SMURF2: variants seen among roughly 807,000 people sequenced by gnomAD.
The protein encoded by SMURF2 is SMAD specific E3 ubiquitin protein ligase 2.
SMURF2 carries 48 observed loss-of-function variants against 109.6 expected under a neutral mutation model. The observed-to-expected ratio is 0.44, with a 90% CI of 0.35 to 0.56. The LOEUF (loss-of-function observed/expected upper bound fraction) is 0.56. Ranked by LOEUF, SMURF2 falls within the 20% of genes least tolerant of loss-of-function variation. The pLI is 0.01. For synonymous variants in SMURF2, 288 were observed against 317.1 expected, an observed-to-expected ratio of 0.91 and a Z score of 0.97; for missense variants, 575 against 909.0, an observed-to-expected ratio of 0.63 and a Z score of 4.72.
intron 10 of SMURF2, among the ~76,000 whole-genome samples, chr17:64,565,052 G>T (rs1224913618): frequency 6.6e-6 from 1 of 152,130 alleles, no homozygotes; most frequent in Non-Finnish European, 1.5e-5. Context: ...TCAGTTTATT[G>T]TATGTCAATA....
intron 1 of SMURF2, among the ~76,000 whole-genome samples, chr17:64,613,705 T>TGTGTGA (rs1970078299): frequency 3.7e-5 from 5 of 133,554 alleles, no homozygotes; most frequent in African/African-American, 1.2e-4. Context: ...TGTGTGTGTG[T>TGTGTGA]GTGTGTGTGT....
At chr17:64,649,305 AC>A (rs1970604262) in intron 1 of SMURF2, among the ~76,000 whole-genome samples, 2 of 152,046 alleles carry the variant, frequency 1.3e-5, no homozygotes, top group Non-Finnish European at 2.9e-5. Context: ...ACCCCCATCT[AC>A]TGGCAAGAGG....
intron 10 of SMURF2, among the ~76,000 whole-genome samples, chr17:64,564,961 G>C (rs553220199): frequency 1.3e-5 from 2 of 152,158 alleles, no homozygotes; most frequent in African/African-American, 4.8e-5. Context: ...AACTTTTGGG[G>C]GTGGTGAATA....
intron 2 of SMURF2, among the ~76,000 whole-genome samples, chr17:64,604,073 G>A (rs1217185716): frequency 6.6e-6 from 1 of 152,146 alleles, no homozygotes; most frequent in African/African-American, 2.4e-5. Flanking sequence ...AGGAATTACT[G>A]TCTCTGAAAT....
At chr17:64,648,174 T>C (rs1555693168) in intron 1 of SMURF2, among the ~76,000 whole-genome samples, 2 of 151,410 alleles carry the variant, frequency 1.3e-5, no homozygotes, top group African/African-American at 4.9e-5. Flanking sequence ...TGTTAAATTA[T>C]CTTCCTAACA....
At chr17:64,659,938 G>A (rs1970753231) in intron 1 of SMURF2, among the ~76,000 whole-genome samples, 1 of 152,130 alleles carries the variant, frequency 6.6e-6, no homozygotes. Context: ...ACCTCAAACT[G>A]TTTTTACTAT....
chr17:64,610,297 C>T (rs1186895849), intron 1 of SMURF2, among the ~76,000 whole-genome samples: 1 of 152,174 alleles, frequency 6.6e-6, no homozygotes, highest in African/African-American at 2.4e-5. Flanking sequence ...ACTATAAAGA[C>T]ATATGCACAT....
intron 1 of SMURF2, among the ~76,000 whole-genome samples, chr17:64,645,608 G>A (rs1332417662): frequency 6.6e-6 from 1 of 152,178 alleles, no homozygotes; most frequent in Admixed American, 6.5e-5. Flanking sequence ...GGAAGACAAG[G>A]AAGAGAATAA....
At chr17:64,630,088 T>C (rs1325309668) in intron 1 of SMURF2, among the ~76,000 whole-genome samples, 4 of 151,716 alleles carry the variant, frequency 2.6e-5, no homozygotes, top group Admixed American at 6.6e-5. Flanking sequence ...ATACAAAAAT[T>C]AGCCAGGCAT....
chr17:64,549,771 A>C (rs1969015068), intron 16 of SMURF2, among the ~76,000 whole-genome samples: 3 of 152,144 alleles, frequency 2.0e-5, no homozygotes, highest in Admixed American at 2.0e-4. Context: ...AAATAAAAAA[A>C]AGAAAAAAGA....
At chr17:64,557,570 T>C (rs868931961) in intron 13 of SMURF2, 38 bp downstream of exon 13, 2 of 1,265,842 alleles carry the variant, frequency 1.6e-6, no homozygotes, top group Middle Eastern at 3.7e-4. Context: ...ATGAAAAGCA[T>C]TATTGGTCAC....
Position 64,543,228 on chromosome 17 carries a change from A to G in SMURF2, c.*2620T>C, listed in dbSNP as rs1184848736. The G allele has an allele frequency of 2.0e-5, 3 of 151,622 alleles. No individual in the cohort carries two copies. Among genetic ancestry groups the G allele is most frequent in the Non-Finnish European group, 4.4e-5 (3 of 67,952 alleles). 9.4% of individuals were successfully genotyped at this position (151,622 alleles called of 1,614,324 possible). ...AAATGGAAATCTAAATCATGTTTTTATATATGTTGGTGATAACATAGACTG... is the reference window on the plus strand; with the variant it reads ...AAATGGAAATCTAAATCATGTTTTTGTATATGTTGGTGATAACATAGACTG... On this transcript the variant is annotated 3_prime_UTR_variant, in exon 19 of 19. Transcript: ENST00000262435.
chr17:64,576,968 C>T (rs917514570), intron 9 of SMURF2, among the ~76,000 whole-genome samples: 4 of 148,758 alleles, frequency 2.7e-5, no homozygotes, highest in Non-Finnish European at 5.9e-5. Context: ...GCAACTTCCG[C>T]CTCCCACTTT....
Position 64,648,194 on chromosome 17 carries a change from T to C in SMURF2, c.52+13635A>G, listed in dbSNP as rs539764326. Among the ~76,000 whole-genome samples the C allele has an allele frequency of 8.0e-5, 12 of 150,496 alleles. No individual in the cohort carries two copies. In the South Asian group the frequency reaches 2.4e-3, roughly 30 times the overall value. On this transcript the variant is annotated intron_variant, in intron 1 of 18. Transcript: ENST00000262435. Reference sequence around the variant, plus strand: ...AATTATCTTCCTAACATTGACAGACTACTTACATGTGACTTTTCTTAGATG... The same window carrying C: ...AATTATCTTCCTAACATTGACAGACCACTTACATGTGACTTTTCTTAGATG...
chr17:64,593,439 C>T lies in SMURF2; in HGVS notation c.334+1G>A. The T allele has an allele frequency of 6.2e-7, 1 of 1,606,810 alleles. No homozygotes were observed. The highest frequency in any genetic ancestry group is 8.5e-7 in the Non-Finnish European group (1 of 1,177,122). ...TTGGAAAAGCACTCGTATCTACTCA[C>T]AACCAGTGTCTTTGAGGCGGTTGAT... On this transcript the variant is annotated splice_donor_variant, in intron 4 of 18. Transcript: ENST00000262435. LOFTEE classifies it high-confidence loss of function.
Position 64,547,943 on chromosome 17 carries a change from C to G in SMURF2, c.1870-142G>C. ...ATGCACATCAGAATCATCTGAAAAG[C>G]TTTTCAAATTGACATTCCAGGTCCT... is the stretch of plus-strand genomic sequence containing the variant. On this transcript the variant is annotated intron_variant, in intron 16 of 18. Coordinates refer to ENST00000262435, the MANE Select transcript of SMURF2 (RefSeq NM_022739.4). This position sits in a 1 kb window ranked among gnomAD's most constrained non-coding sequence, Gnocchi z 4.2. 1.4e-6 allele frequency: 1 copy of G among 692,712 alleles called. No homozygotes were observed. The highest frequency in any genetic ancestry group is 2.4e-6 in the Non-Finnish European group (1 of 411,630). 42.9% of individuals were successfully genotyped at this position (692,712 alleles called of 1,614,324 possible).
chr17:64,609,340 C>T (rs1970011830), intron 1 of SMURF2, among the ~76,000 whole-genome samples: 1 of 152,128 alleles, frequency 6.6e-6, no homozygotes, highest in Admixed American at 6.5e-5. Context: ...AAGAACAAAG[C>T]TGGAGGCATC....
intron 1 of SMURF2, among the ~76,000 whole-genome samples, chr17:64,623,223 A>G (rs1970227344): frequency 6.6e-6 from 1 of 152,194 alleles, no homozygotes; most frequent in Admixed American, 6.5e-5. Context: ...TTTCAAATAT[A>G]AACAGTTGAG....
chr17:64,544,909 T>C lies in SMURF2; in HGVS notation c.*939A>G, dbSNP rs576969520. The C allele has an allele frequency of 6.5e-6, 1 of 152,764 alleles. No homozygotes were observed. The highest frequency in any genetic ancestry group is 2.1e-4 in the South Asian group (1 of 4,828). 9.5% of individuals were successfully genotyped at this position (152,764 alleles called of 1,614,324 possible). A position where few individuals can be genotyped will look rare whatever the true frequency, so the allele number is the denominator to read the frequency against. On this transcript the variant is annotated 3_prime_UTR_variant, in exon 19 of 19. Coordinates refer to ENST00000262435, the MANE Select transcript of SMURF2 (RefSeq NM_022739.4). Reference sequence around the variant, plus strand: ...GGTGCACTTGTCAGAGACTTTGGTTTATAGGAATAGTCCATATATTAAAGA... The same window carrying C: ...GGTGCACTTGTCAGAGACTTTGGTTCATAGGAATAGTCCATATATTAAAGA...
Sources: allele counts gnomAD v4.1 joint callset (sites outside exome capture counted in the v4.1 genomes callset), GRCh38; gene constraint gnomAD v4.1.1; non-coding constraint Gnocchi (gnomAD v3.1); transcripts MANE v1.5; gene names NCBI Gene and HGNC (gene_info 2026-07-23, HGNC 2026-07-21).